The following MYT1L variants were observed in gnomAD, a reference collection of about 807,000 sequenced individuals.
The protein encoded by MYT1L is myelin transcription factor 1 like.
A neutral mutation model predicts 126.7 loss-of-function variants in MYT1L; 12 were observed. The ratio of observed to expected loss-of-function variants is 0.09; its 90% CI spans 0.06 to 0.15. The LOEUF (loss-of-function observed/expected upper bound fraction) is 0.15, where lower values mean the gene tolerates loss of function less well. Ranked by LOEUF, MYT1L falls within the 10% of genes least tolerant of loss-of-function variation. The pLI, the probability that MYT1L is intolerant of heterozygous loss-of-function variation, is 1.00. For missense variants in MYT1L, 979 were observed against 1,585.2 expected (o/e 0.62, Z 6.49); for synonymous variants, 541 against 604.2 (o/e 0.90, Z 1.53).
At chr2:2,026,625 T>G (rs2065615453) in intron 4 of MYT1L, among the ~76,000 whole-genome samples, 1 of 152,000 alleles carries the variant, frequency 6.6e-6, no homozygotes, top group South Asian at 2.1e-4. Flanking sequence ...GTGGTGGAGG[T>G]TGTTCTGCAG....
rs1271035520 is a variant in MYT1L, at chr2:1,892,282, G to A, written c.2038C>T (p.Arg680Trp). The change falls in exon 15 of 25, where the codon CGG becomes TGG. Residue 680 changes from arginine to tryptophan, a missense_variant. By Grantham distance (101) the Arg-to-Trp change is moderately radical. Around this residue, in one of 12 missense-constraint regions of MYT1L, gnomAD observed 57 missense variants for 60.3 expected, o/e 0.94. Transcript: ENST00000647738. Reference protein sequence around the residue: ...ISPKGYDDAKRYCKDPSPSSS... With the variant: ...ISPKGYDDAKWYCKDPSPSSS... ...CTGGGGCTGGGGTCCTTGCAGTACC[G>A]CTTCGCTGGGGAGACAGGGACAGGG... The A allele has an allele frequency of 3.2e-6, 5 of 1,548,218 alleles. No homozygotes were observed. Among genetic ancestry groups the A allele is most frequent in the East Asian group, 2.4e-5 (1 of 40,852 alleles).
intron 2 of MYT1L, among the ~76,000 whole-genome samples, chr2:2,248,687 A>C (rs1425422255): frequency 6.6e-6 from 1 of 152,108 alleles, no homozygotes; most frequent in African/African-American, 2.4e-5. Context: ...ACCCAGCGAA[A>C]TTTATCCCAG....
intron 21 of MYT1L, among the ~76,000 whole-genome samples, chr2:1,835,025 GA>G (rs1352385820): frequency 0.023 from 2,907 of 127,270 alleles, 382 homozygotes; most frequent in African/African-American, 0.067. Context: ...CACGGGGATG[GA>G]TACAGGTGCT....
intron 3 of MYT1L, among the ~76,000 whole-genome samples, chr2:2,117,373 G>A (rs574028678): frequency 3.3e-5 from 5 of 152,298 alleles, no homozygotes; most frequent in African/African-American, 1.2e-4. Context: ...CCGTCTGCAT[G>A]TTGTCCTGGA....
intron 19 of MYT1L, among the ~76,000 whole-genome samples, chr2:1,846,447 T>G (rs1193695012): frequency 6.6e-6 from 1 of 152,172 alleles, no homozygotes. Context: ...ATCTGGAACT[T>G]TGTAAACGAT....
At chr2:1,797,558 G>A (rs556801144) in intron 23 of MYT1L, among the ~76,000 whole-genome samples, 6 of 152,294 alleles carry the variant, frequency 3.9e-5, no homozygotes, top group South Asian at 4.1e-4. Context: ...GTGAGGTGAA[G>A]ACCCCGACGC....
intron 3 of MYT1L, among the ~76,000 whole-genome samples, chr2:2,097,557 T>C (rs1040893261): frequency 1.3e-5 from 2 of 151,744 alleles, no homozygotes; most frequent in African/African-American, 4.8e-5. Flanking sequence ...AGCTGTGGAG[T>C]TGACAGAGGG....
intron 8 of MYT1L, among the ~76,000 whole-genome samples, chr2:1,962,552 C>T (rs1236228868): frequency 3.3e-5 from 5 of 152,052 alleles, no homozygotes; most frequent in Admixed American, 6.5e-5. Flanking sequence ...TTTCTCACAT[C>T]GATCGAGACT....
rs1369399820 is a variant in MYT1L, at chr2:1,790,181, G to A, written c.*1686C>T. ...AAATAGTCGACTGGCACATTGTGGG[G>A]ACAATGACCCTGTAAGTCCTGTTCT... On this transcript the variant is annotated 3_prime_UTR_variant, in exon 25 of 25. Transcript: ENST00000647738. 6.6e-6 allele frequency: 1 copy of A among 152,006 alleles called. No individual in the cohort carries two copies. The highest frequency in any genetic ancestry group is 2.4e-5 in the African/African-American group (1 of 41,368). 9.4% of individuals were successfully genotyped at this position (152,006 alleles called of 1,614,324 possible).
chr2:2,236,170 A>T (rs1428221376), intron 2 of MYT1L, among the ~76,000 whole-genome samples: 1 of 149,980 alleles, frequency 6.7e-6, no homozygotes, highest in East Asian at 2.0e-4. Context: ...AACCCAGCAC[A>T]TCCCAACCCA....
chr2:2,178,018 C>T (rs909981834), intron 2 of MYT1L, among the ~76,000 whole-genome samples: 2 of 152,090 alleles, frequency 1.3e-5, no homozygotes, highest in Non-Finnish European at 2.9e-5. Context: ...CTTTTTACTG[C>T]AAATACTTCT....
chr2:1,879,739 G>C (rs1439271175), intron 18 of MYT1L, among the ~76,000 whole-genome samples: 1 of 151,982 alleles, frequency 6.6e-6, no homozygotes, highest in African/African-American at 2.4e-5. Flanking sequence ...CTGTTCATGT[G>C]TGACAGGAAT....
At chr2:2,118,017 C>T (rs1013063293) in intron 3 of MYT1L, among the ~76,000 whole-genome samples, 11 of 151,382 alleles carry the variant, frequency 7.3e-5, no homozygotes, top group Admixed American at 3.3e-4. Flanking sequence ...CACATGCCCA[C>T]ACTATATAAT....
chr2:2,109,462 C>CG (rs1575217037), intron 3 of MYT1L, among the ~76,000 whole-genome samples: 2 of 152,126 alleles, frequency 1.3e-5, no homozygotes, highest in East Asian at 3.9e-4. Flanking sequence ...GATGGAATGT[C>CG]GCAGCACAAG....
intron 21 of MYT1L, among the ~76,000 whole-genome samples, chr2:1,817,657 G>C (rs1003857744): frequency 1.3e-5 from 2 of 152,074 alleles, no homozygotes; most frequent in Non-Finnish European, 2.9e-5. Flanking sequence ...GCGCGGCCCT[G>C]GGGGGTGGTG....
intron 3 of MYT1L, among the ~76,000 whole-genome samples, chr2:2,140,250 T>C (rs1353197197): frequency 6.6e-6 from 1 of 152,104 alleles, no homozygotes; most frequent in Non-Finnish European, 1.5e-5. Context: ...AAATGTGCCA[T>C]AGCAAATTTA....
At chr2:1,960,888 G>GACCCTCCTGTGCATGTCCCTGA (rs1420230060) in intron 8 of MYT1L, among the ~76,000 whole-genome samples, 1 of 152,212 alleles carries the variant, frequency 6.6e-6, no homozygotes, top group East Asian at 1.9e-4. Context: ...CGCCTCCCTG[G>GACCCTCCTGTGCATGTCCCTGA]ACCCTCCTGT....
intron 19 of MYT1L, among the ~76,000 whole-genome samples, chr2:1,845,554 A>C (rs2042379573): frequency 6.6e-6 from 1 of 151,170 alleles, no homozygotes; most frequent in Non-Finnish European, 1.5e-5. Context: ...GGCCCCTCCC[A>C]CTCCTGGCCC....
intron 4 of MYT1L, among the ~76,000 whole-genome samples, chr2:2,008,555 A>G (rs1340049207): frequency 6.6e-6 from 1 of 152,178 alleles, no homozygotes; most frequent in African/African-American, 2.4e-5. Flanking sequence ...GTTGATTTGT[A>G]AGAGTTATTT....
Sources: allele counts gnomAD v4.1 joint callset (sites outside exome capture counted in the v4.1 genomes callset), GRCh38; gene constraint gnomAD v4.1.1; regional missense constraint gnomAD v4.1.1; transcripts MANE v1.5; gene names NCBI Gene and HGNC (gene_info 2026-07-23, HGNC 2026-07-21).